CACNA2D3: variants seen among roughly 807,000 people sequenced by gnomAD.
CACNA2D3 encodes the protein voltage-dependent calcium channel subunit alpha-2/delta-3.
CACNA2D3 carries 60 observed loss-of-function variants against 160.6 expected under a neutral mutation model. That is an observed-to-expected ratio of 0.37 (90% CI 0.30 to 0.46). The LOEUF (loss-of-function observed/expected upper bound fraction) is 0.46, where lower values mean the gene tolerates loss of function less well. Among genes scored for constraint, CACNA2D3 ranks in the 20% least tolerant of loss-of-function variants. CACNA2D3 has a pLI of 1.00. For synonymous variants in CACNA2D3, 558 were observed against 492.9 expected (o/e 1.13, Z -1.75); for missense variants, 1,205 against 1,365.0 (o/e 0.88, Z 1.85).
chr3:54,197,656 AC>A (rs1395045067), intron 2 of CACNA2D3: 6 of 151,790 alleles, frequency 4.0e-5, no homozygotes, highest in Non-Finnish European at 7.4e-5. Flanking sequence ...ATAATATCTC[AC>A]ACTTGTTTAG....
At chr3:54,929,237 G>T (rs1417873000) in intron 27 of CACNA2D3, among the ~76,000 whole-genome samples, 2 of 152,126 alleles carry the variant, frequency 1.3e-5, no homozygotes, top group Non-Finnish European at 2.9e-5. Context: ...ACTTTACCAG[G>T]CTGTGCCCAG....
At chr3:54,148,845 TGG>T (rs759172076) in intron 2 of CACNA2D3, among the ~76,000 whole-genome samples, 4 of 151,634 alleles carry the variant, frequency 2.6e-5, no homozygotes, top group Non-Finnish European at 5.9e-5. Context: ...GGTGTGGTGG[TGG>T]GCATCTGTAA....
At chr3:54,590,238 C>G (rs529949685) in intron 9 of CACNA2D3, among the ~76,000 whole-genome samples, 2 of 152,146 alleles carry the variant, frequency 1.3e-5, no homozygotes, top group South Asian at 4.2e-4. Flanking sequence ...AAAACAACAG[C>G]AATCTATTGA....
chr3:54,731,880 G>C (rs1354913226), intron 11 of CACNA2D3, among the ~76,000 whole-genome samples: 1 of 152,004 alleles, frequency 6.6e-6, no homozygotes, highest in Non-Finnish European at 1.5e-5. Context: ...GCAATGGCGT[G>C]GATCAAAAGC....
chr3:54,390,755 G>A (rs1159269515), intron 4 of CACNA2D3, among the ~76,000 whole-genome samples: 1 of 152,152 alleles, frequency 6.6e-6, no homozygotes, highest in Non-Finnish European at 1.5e-5. Flanking sequence ...CAGCTTGGGT[G>A]TCAGCCCCAT....
chr3:54,848,174 C>G (rs1698976166), intron 17 of CACNA2D3, among the ~76,000 whole-genome samples: 1 of 152,186 alleles, frequency 6.6e-6, no homozygotes, highest in Non-Finnish European at 1.5e-5. Context: ...TCTGGCCCTG[C>G]AGCAAATGGT....
chr3:54,496,732 C>T (rs1277000201), intron 4 of CACNA2D3, among the ~76,000 whole-genome samples: 1 of 152,072 alleles, frequency 6.6e-6, no homozygotes, highest in Non-Finnish European at 1.5e-5. Context: ...ATAAAGTATC[C>T]TTTACTTTTT....
chr3:54,206,692 G>A (rs749163279), intron 2 of CACNA2D3, among the ~76,000 whole-genome samples: 3 of 152,126 alleles, frequency 2.0e-5, no homozygotes, highest in Non-Finnish European at 2.9e-5. Flanking sequence ...ATGCCAGTAA[G>A]CTATACCAGT....
intron 14 of CACNA2D3, among the ~76,000 whole-genome samples, chr3:54,822,770 C>CT (rs1350761352): frequency 9.0e-5 from 8 of 88,706 alleles, no homozygotes; most frequent in Non-Finnish European, 1.5e-4. Flanking sequence ...TTCTTTCTTT[C>CT]TTTCTTTCTT....
At chr3:54,640,603 C>T (rs190666242) in intron 10 of CACNA2D3, among the ~76,000 whole-genome samples, 1 of 152,248 alleles carries the variant, frequency 6.6e-6, no homozygotes, top group Admixed American at 6.5e-5. Context: ...GTTTTACATA[C>T]CAGTGAGCGC....
chr3:54,803,846 C>G (rs1703051946), intron 13 of CACNA2D3, among the ~76,000 whole-genome samples: 1 of 152,222 alleles, frequency 6.6e-6, no homozygotes, highest in Non-Finnish European at 1.5e-5. Context: ...ATCAGACTAA[C>G]AGCGGATCTC....
At chr3:54,886,836 G>A (rs1434776153) in intron 23 of CACNA2D3, among the ~76,000 whole-genome samples, 13 of 150,728 alleles carry the variant, frequency 8.6e-5, no homozygotes, top group East Asian at 1.9e-4. Context: ...TAGCTTTAAC[G>A]CATTTATTTG....
chr3:54,788,223 T>C (rs1702678598), intron 13 of CACNA2D3, among the ~76,000 whole-genome samples: 1 of 152,228 alleles, frequency 6.6e-6, no homozygotes, highest in Non-Finnish European at 1.5e-5. Flanking sequence ...ACCTTTTACC[T>C]TTTTTGTACC....
chr3:54,432,438 A>C (rs964297106), intron 4 of CACNA2D3, among the ~76,000 whole-genome samples: 1 of 152,222 alleles, frequency 6.6e-6, no homozygotes, highest in Non-Finnish European at 1.5e-5. Flanking sequence ...GAATTCTAGA[A>C]TACAATGTTT....
intron 2 of CACNA2D3, among the ~76,000 whole-genome samples, chr3:54,298,742 A>C (rs757273913): frequency 2.6e-5 from 4 of 152,058 alleles, no homozygotes; most frequent in Non-Finnish European, 4.4e-5. Flanking sequence ...GGGAAGATTG[A>C]GGCTGCAGTG....
chr3:54,468,126 C>G (rs1700661716), intron 4 of CACNA2D3, among the ~76,000 whole-genome samples: 1 of 152,146 alleles, frequency 6.6e-6, no homozygotes, highest in South Asian at 2.1e-4. Flanking sequence ...AGCAGGTTCT[C>G]TTGGAGGTGG....
intron 14 of CACNA2D3, among the ~76,000 whole-genome samples, chr3:54,835,356 A>G (rs538052586): frequency 3.9e-5 from 6 of 152,342 alleles, no homozygotes; most frequent in African/African-American, 1.4e-4. Flanking sequence ...GAATCATTAA[A>G]ATAATTATTC....
At chr3:54,792,688 C>G (rs114651998) in intron 13 of CACNA2D3, among the ~76,000 whole-genome samples, 1 of 152,048 alleles carries the variant, frequency 6.6e-6, no homozygotes, top group Non-Finnish European at 1.5e-5. Context: ...GAAAGAAATC[C>G]GTTTCCTCAT....
intron 12 of CACNA2D3, among the ~76,000 whole-genome samples, chr3:54,763,708 T>C (rs1171664961): frequency 1.5e-5 from 2 of 135,582 alleles, no homozygotes; most frequent in African/African-American, 2.6e-5. Context: ...TATATATGTA[T>C]ATATATGTAC....
Sources: allele counts gnomAD v4.1 joint callset (sites outside exome capture counted in the v4.1 genomes callset), GRCh38; gene constraint gnomAD v4.1.1; transcripts MANE v1.5; gene names NCBI Gene and HGNC (gene_info 2026-07-23, HGNC 2026-07-21).